The following BANP variants were observed in gnomAD, a reference collection of about 807,000 sequenced individuals.
BANP encodes protein BANP.
Under a neutral mutation model 68.1 loss-of-function variants are expected in BANP, and 11 were observed. The ratio of observed to expected loss-of-function variants is 0.16; its 90% confidence interval spans 0.10 to 0.27. The LOEUF (loss-of-function observed/expected upper bound fraction) is 0.27. BANP is among the 10% of genes least tolerant of loss of function. The probability of loss-of-function intolerance (pLI) is 1.00; values close to 1 mark genes in which losing one functional copy is unlikely to be tolerated. For missense variants in BANP, 504 were observed against 722.7 expected (o/e 0.70, Z 3.47); for synonymous variants, 329 against 303.2 (o/e 1.09, Z -0.88).
Position 88,036,028 on chromosome 16 carries a change from C to G in BANP, c.1272+634C>G, listed in dbSNP as rs1185120197. ...GTGACAGTCTGAGTTCTTGGAAAGC[C>G]GAGGCCAGCCTGTTGCGATGCTCCA... On this transcript the variant is annotated intron_variant, in intron 10 of 13. Coordinates refer to ENST00000682872, the MANE Select transcript of BANP (RefSeq NM_001386991.1). The surrounding 1 kb of genome is among the most constrained non-coding windows in gnomAD (Gnocchi z 4.2). Among the ~76,000 whole-genome samples the G allele has an allele frequency of 6.6e-6, 1 of 152,182 alleles. No homozygotes were observed. The highest frequency in any genetic ancestry group is 1.5e-5 in the Non-Finnish European group (1 of 68,036).
At chr16:88,060,834 C>G (rs1170392796) in intron 11 of BANP, among the ~76,000 whole-genome samples, 1 of 152,140 alleles carries the variant, frequency 6.6e-6, no homozygotes, top group African/African-American at 2.4e-5. Context: ...TCCTTATTTT[C>G]TTCCCACTCT....
At chr16:88,005,124 C>T (rs2070619948) in intron 5 of BANP, among the ~76,000 whole-genome samples, 1 of 152,206 alleles carries the variant, frequency 6.6e-6, no homozygotes, top group Non-Finnish European at 1.5e-5. Flanking sequence ...TAGCTCAGTT[C>T]TCCAGGGCCG....
rs1055442263 is a variant in BANP, at chr16:88,003,388, A to T, written c.363-907A>T. On this transcript the variant is annotated intron_variant, in intron 4 of 13. Transcript: ENST00000682872. This position sits in a 1 kb window ranked among gnomAD's most constrained non-coding sequence, Gnocchi z 6.1. ...CAGATCACAGAAAGGCAGGCTTCCCAGGTTGGTTTTTGGAGAGTGAAATCC... is the reference window on the plus strand; with the variant it reads ...CAGATCACAGAAAGGCAGGCTTCCCTGGTTGGTTTTTGGAGAGTGAAATCC... 8.8e-6 allele frequency: 4 copies of T among 454,208 alleles called. No homozygotes were observed. The highest frequency in any genetic ancestry group is 1.8e-5 in the Non-Finnish European group (4 of 225,854). 28.1% of individuals were successfully genotyped at this position (454,208 alleles called of 1,614,324 possible). A position where few individuals can be genotyped will look rare whatever the true frequency, so the allele number is the denominator to read the frequency against.
intron 4 of BANP, among the ~76,000 whole-genome samples, chr16:87,987,157 C>T (rs773591825): frequency 6.6e-6 from 1 of 152,180 alleles, no homozygotes; most frequent in Non-Finnish European, 1.5e-5. Context: ...TGGCTCACTG[C>T]AACCTCTGCC....
At position 88,057,778 on chromosome 16, in the gene BANP, C is replaced by G. The variant is rs897894051; in HGVS notation, c.1312-7489C>G. Among the ~76,000 whole-genome samples the G allele has an allele frequency of 1.3e-5, 2 of 151,204 alleles. No homozygotes were observed. The highest frequency in any genetic ancestry group is 4.9e-5 in the African/African-American group (2 of 40,948). ...GCGGGGGGGGGGGTGCGTGCAGTGACTCGCGCTGGCCCTGTCCCCGCACCC... is the reference window on the plus strand; with the variant it reads ...GCGGGGGGGGGGGTGCGTGCAGTGAGTCGCGCTGGCCCTGTCCCCGCACCC... On this transcript the variant is annotated intron_variant, in intron 11 of 13. Coordinates refer to ENST00000682872, the MANE Select transcript of BANP (RefSeq NM_001386991.1). This position sits in a 1 kb window ranked among gnomAD's most constrained non-coding sequence, Gnocchi z 4.6.
At chr16:87,964,635 G>T (rs986792103) in intron 1 of BANP, among the ~76,000 whole-genome samples, 9 of 152,312 alleles carry the variant, frequency 5.9e-5, no homozygotes, top group Admixed American at 2.6e-4. Context: ...GCATAGCCTG[G>T]CACGTGTTTT....
chr16:88,035,477 G>A, intron 10 of BANP, 83 bp downstream of exon 10: 2 of 1,332,216 alleles, frequency 1.5e-6, no homozygotes, highest in African/African-American at 1.5e-5. Flanking sequence ...ACAGTGCGAG[G>A]GCAGCAGGGA....
At chr16:88,043,071 A>G (rs1248055284) in intron 11 of BANP, among the ~76,000 whole-genome samples, 1 of 152,196 alleles carries the variant, frequency 6.6e-6, no homozygotes, top group Non-Finnish European at 1.5e-5. Context: ...TGCCTAAGTG[A>G]GAGTCTCAGT....
chr16:88,007,722 G>C (rs2071662896), intron 6 of BANP, among the ~76,000 whole-genome samples: 3 of 152,138 alleles, frequency 2.0e-5, no homozygotes, highest in African/African-American at 4.8e-5. Flanking sequence ...TTTCCTGTTA[G>C]GAAGACTCAT....
At chr16:87,983,002 C>T (rs972955989) in intron 3 of BANP, among the ~76,000 whole-genome samples, 4 of 152,142 alleles carry the variant, frequency 2.6e-5, no homozygotes, top group Non-Finnish European at 5.9e-5. Flanking sequence ...CCTCCCGCTC[C>T]CCTGTGCTGC....
At position 88,071,089 on chromosome 16, in the gene BANP, G is replaced by A; in HGVS notation, c.1378-980G>A. On this transcript the variant is annotated intron_variant, in intron 12 of 13. Coordinates refer to ENST00000682872, the MANE Select transcript of BANP (RefSeq NM_001386991.1). This position sits in a 1 kb window ranked among gnomAD's most constrained non-coding sequence, Gnocchi z 6.5. ...TGTTGTCCAGGGCAGGTCCCACGGA[G>A]GGGATGCTGCGGCCAGGCTCCGTGG... The A allele has an allele frequency of 7.4e-6, 2 of 268,844 alleles. No homozygotes were observed. Among genetic ancestry groups the A allele is most frequent in the South Asian group, 3.8e-5 (1 of 26,334 alleles). The allele number at this position is 268,844 out of a possible 1,614,324, so 16.7% of individuals were successfully genotyped here.
At chr16:88,059,481 A>C (rs756499136) in intron 11 of BANP, among the ~76,000 whole-genome samples, 1 of 152,118 alleles carries the variant, frequency 6.6e-6, no homozygotes, top group African/African-American at 2.4e-5. Flanking sequence ...CCTGTTTTCA[A>C]TTAAGCCCAA....
rs959062444 is a variant in BANP at position 88,021,006 on chromosome 16, G to A, written c.895+2339G>A. ...TATGGGGCAGAATGGGGCAGGCTGC[G>A]ATTCCTTGCGTGTTGTGGCTATGAG... On this transcript the variant is annotated intron_variant, in intron 7 of 13. Transcript: ENST00000682872. 2.2e-4 allele frequency among the ~76,000 whole-genome samples: 34 copies of A among 152,308 alleles called. 1 individual carries two copies. The highest frequency in any genetic ancestry group is 7.5e-4 in the African/African-American group (31 of 41,572).
chr16:87,975,960 C>T (rs1161960599), intron 2 of BANP, among the ~76,000 whole-genome samples: 6 of 150,820 alleles, frequency 4.0e-5, no homozygotes, highest in East Asian at 2.0e-4. Context: ...GTCATGGAAC[C>T]TTACCATGTG....
intron 6 of BANP, among the ~76,000 whole-genome samples, chr16:88,015,656 C>G (rs1598445085): frequency 6.6e-6 from 1 of 152,378 alleles, no homozygotes; most frequent in Middle Eastern, 3.4e-3. Context: ...TCTCCCTGTT[C>G]GCTTGCAGGC....
intron 6 of BANP, among the ~76,000 whole-genome samples, chr16:88,014,878 G>T (rs1173669553): frequency 1.3e-5 from 2 of 152,084 alleles, no homozygotes; most frequent in African/African-American, 2.4e-5. Flanking sequence ...CATTAAATGA[G>T]CCTCAGTGCT....
chr16:88,065,430 T>C lies in BANP; in HGVS notation c.1377+98T>C. 6.2e-6 allele frequency: 4 copies of C among 641,378 alleles called. No individual in the cohort carries two copies. The Admixed American group carries it at 9.7e-5, about 16-fold the overall frequency. The allele number at this position is 641,378 out of a possible 1,614,324, so 39.7% of individuals were successfully genotyped here. A position where few individuals can be genotyped will look rare whatever the true frequency, so the allele number is the denominator to read the frequency against. On this transcript the variant is annotated intron_variant, in intron 12 of 13. Coordinates refer to ENST00000682872, the MANE Select transcript of BANP (RefSeq NM_001386991.1). ...CGATGACACTGGGCCCACCTGGCCA[T>C]CCAGGGTCATCTCACCACGTGAGGG...
At chr16:88,050,925 G>A (rs1003741886) in intron 11 of BANP, among the ~76,000 whole-genome samples, 4 of 152,024 alleles carry the variant, frequency 2.6e-5, no homozygotes, top group Admixed American at 2.0e-4. Context: ...GCGCTCAAGC[G>A]ATCCGCCTGC....
At position 88,029,913 on chromosome 16, in the gene BANP, G is replaced by A. The variant is rs931411260; in HGVS notation, c.1063+2263G>A. 5.3e-5 allele frequency among the ~76,000 whole-genome samples: 8 copies of A among 152,312 alleles called. No individual in the cohort carries two copies. The South Asian group carries it at 8.3e-4, about 16-fold the overall frequency. On this transcript the variant is annotated intron_variant, in intron 8 of 13. Transcript: ENST00000682872. ...AGTTCCTAAGAGCAGAGGGTTACAC[G>A]GGGGCCTTCTTGGGTGTTTGGGGGA...
Sources: gnomAD v4.1 joint callset for allele counts (sites outside exome capture counted in the v4.1 genomes callset) on GRCh38, gnomAD v4.1.1 for gene constraint, Gnocchi (gnomAD v3.1) non-coding constraint, MANE v1.5 for transcripts, NCBI Gene and HGNC (gene_info 2026-07-23, HGNC 2026-07-21) for gene names.